Variants in UGT2B10 observed in about 807,000 individuals in gnomAD.
The protein encoded by UGT2B10 is UDP glucuronosyltransferase family 2 member B10.
A neutral mutation model predicts 43.7 loss-of-function variants in UGT2B10; 51 were observed. The ratio of observed to expected loss-of-function variants is 1.17; its 90% confidence interval spans 0.93 to 1.47. The LOEUF is 1.47. Ranked by LOEUF, UGT2B10 falls within the 40% of genes most tolerant of loss-of-function variation. UGT2B10 has a pLI of 0.00. For missense variants in UGT2B10, 696 were observed against 617.7 expected (o/e 1.13, Z -1.34); for synonymous variants, 225 against 209.0 (o/e 1.08, Z -0.66).
intron 1 of UGT2B10, among the ~76,000 whole-genome samples, chr4:68,817,018 C>T (rs960498877): frequency 6.6e-6 from 1 of 151,750 alleles, no homozygotes; most frequent in African/African-American, 2.4e-5. Flanking sequence ...ATCTGTTTTA[C>T]TATAGAATGT....
At chr4:68,821,941 T>C (rs528339580) in intron 2 of UGT2B10, among the ~76,000 whole-genome samples, 31 of 124,906 alleles carry the variant, frequency 2.5e-4, no homozygotes, top group Non-Finnish European at 5.0e-4. Context: ...GTAGCAATTA[T>C]AGTATTATAA....
At chr4:68,823,759 T>A (rs1737632287) in intron 3 of UGT2B10, among the ~76,000 whole-genome samples, 3 of 152,166 alleles carry the variant, frequency 2.0e-5, no homozygotes, top group African/African-American at 4.8e-5. Flanking sequence ...GGGAAAGCAC[T>A]AATTATCTCA....
At chr4:68,825,228 T>C (rs1021805251) in intron 3 of UGT2B10, among the ~76,000 whole-genome samples, 10 of 103,138 alleles carry the variant, frequency 9.7e-5, no homozygotes, top group African/African-American at 3.5e-4. Context: ...AATAAACATA[T>C]AGGTCATTAC....
intron 4 of UGT2B10, 133 bp from the exon 5 acceptor site, chr4:68,827,196 C>T (rs1291307082): frequency 1.4e-6 from 2 of 1,442,808 alleles, no homozygotes; most frequent in African/African-American, 1.4e-5. Flanking sequence ...CCTGTTTTTT[C>T]CTCTGAAATC....
At position 68,821,213 on chromosome 4, in the gene UGT2B10, A is replaced by G. The variant is rs77501111; in HGVS notation, c.868-1058A>G. On this transcript the variant is annotated intron_variant, in intron 2 of 5. Coordinates refer to ENST00000265403, the MANE Select transcript of UGT2B10 (RefSeq NM_001075.6). ...AACCACTGGGGAAAGTTTTACCCCA[A>G]TGATTAAATCTGAAAGTATTTAAAT... Among the ~76,000 whole-genome samples the G allele has an allele frequency of 5.3e-5, 8 of 152,314 alleles. No individual in the cohort carries two copies. In the East Asian group the frequency reaches 1.5e-3, roughly 29 times the overall value.
At chr4:68,820,709 G>C (rs899137971) in intron 2 of UGT2B10, among the ~76,000 whole-genome samples, 1 of 151,990 alleles carries the variant, frequency 6.6e-6, no homozygotes, top group Admixed American at 6.6e-5. Flanking sequence ...TAAGTGTCGT[G>C]TATGTACATT....
intron 5 of UGT2B10, 150 bp downstream of exon 5, chr4:68,827,698 T>C: frequency 7.4e-7 from 1 of 1,354,086 alleles, no homozygotes; most frequent in Non-Finnish European, 9.8e-7. Flanking sequence ...ACTTTTTATC[T>C]GTTATTTAAA....
intron 1 of UGT2B10, among the ~76,000 whole-genome samples, chr4:68,817,429 C>G (rs1202191471): frequency 6.6e-6 from 1 of 151,688 alleles, no homozygotes; most frequent in Non-Finnish European, 1.5e-5. Context: ...GAGTACAGAT[C>G]TCTATTTCAA....
At chr4:68,817,686 G>T (rs189102657) in intron 1 of UGT2B10, among the ~76,000 whole-genome samples, 18 of 151,710 alleles carry the variant, frequency 1.2e-4, no homozygotes, top group East Asian at 1.2e-3. Flanking sequence ...TCAAAGATTT[G>T]TTTAAATATC....
chr4:68,825,577 G>T (rs929287780), intron 3 of UGT2B10, among the ~76,000 whole-genome samples: 2 of 152,044 alleles, frequency 1.3e-5, no homozygotes, highest in African/African-American at 4.8e-5. Context: ...ACTCATAAGT[G>T]AGGACTTGTT....
In UGT2B10 at chr4:68,816,652, A is replaced by G; in HGVS notation, c.633A>G (p.Lys211=). 6.2e-7 allele frequency: 1 copy of G among 1,612,734 alleles called. No homozygotes were observed. The highest frequency in any genetic ancestry group is 8.5e-7 in the Non-Finnish European group (1 of 1,179,172). The change falls in exon 1 of 6, where the codon AAA becomes AAG. Residue 211 remains lysine, a synonymous_variant. Coordinates refer to ENST00000265403, the MANE Select transcript of UGT2B10 (RefSeq NM_001075.6). ...AAATGACTTTCATGGAGAGGGTAAA[A>G]AATATGCTCTATGTGCTTTATTTTG... ...SDQMTFMERV[K]NMLYVLYFDF...
At chr4:68,819,771 T>C (rs763496591) in intron 2 of UGT2B10, among the ~76,000 whole-genome samples, 3 of 151,986 alleles carry the variant, frequency 2.0e-5, no homozygotes, top group Admixed American at 6.6e-5. Flanking sequence ...TTAATTTCAA[T>C]ACGAAAAAAA....
At chr4:68,827,188 T>A in intron 4 of UGT2B10, 141 bp from the exon 5 acceptor site, 1 of 1,368,656 alleles carries the variant, frequency 7.3e-7, no homozygotes, top group South Asian at 1.3e-5. Context: ...CACAAGTACC[T>A]GTTTTTTCCT....
At chr4:68,817,089 A>T (rs1437827034) in intron 1 of UGT2B10, among the ~76,000 whole-genome samples, 1 of 151,832 alleles carries the variant, frequency 6.6e-6, no homozygotes. Context: ...ATAGATTTAG[A>T]ATGAGTAATT....
chr4:68,818,517 GA>G (rs1036986037), intron 2 of UGT2B10, among the ~76,000 whole-genome samples: 3 of 151,014 alleles, frequency 2.0e-5, no homozygotes, highest in Non-Finnish European at 3.0e-5. Flanking sequence ...AATTTTCAGA[GA>G]AAAAAAATAG....
At chr4:68,823,898 C>G (rs536961793) in intron 3 of UGT2B10, among the ~76,000 whole-genome samples, 1 of 152,126 alleles carries the variant, frequency 6.6e-6, no homozygotes, top group East Asian at 1.9e-4. Flanking sequence ...GATGAAGTAT[C>G]GATATTATCA....
At position 68,817,016 on chromosome 4, in the gene UGT2B10, T is replaced by C. The variant is rs1737247506; in HGVS notation, c.718+279T>C. 2.6e-5 allele frequency among the ~76,000 whole-genome samples: 4 copies of C among 151,862 alleles called. No homozygotes were observed. The South Asian group carries it at 8.3e-4, about 31-fold the overall frequency. ...ACTTTAAGCAATTATATATCTGTTT[T>C]ACTATAGAATGTTTCAGATCTTAAA... On this transcript the variant is annotated intron_variant, in intron 1 of 5. Transcript: ENST00000265403.
At position 68,831,424 on chromosome 4, in the gene UGT2B10, A is replaced by G. The variant is rs530109975; in HGVS notation, c.*545A>G. On this transcript the variant is annotated 3_prime_UTR_variant, in exon 6 of 6. Transcript: ENST00000265403. ...AGATTTTTATATAAGAATGATTCAA[A>G]TGTTCAGGGATGAAAGAGTCACTAA... is the stretch of plus-strand genomic sequence containing the variant. Among the ~76,000 whole-genome samples the G allele has an allele frequency of 6.6e-6, 1 of 152,226 alleles. No homozygotes were observed. The highest frequency in any genetic ancestry group is 2.1e-4 in the South Asian group (1 of 4,826).
rs1334538159 is a variant in UGT2B10 at position 68,816,337 on chromosome 4, A to G, written c.318A>G (p.Leu106=). Residue 106 remains leucine, a synonymous_variant, in exon 1 of 6, where the codon TTA becomes TTG. Coordinates refer to ENST00000265403, the MANE Select transcript of UGT2B10 (RefSeq NM_001075.6). ...LSEIQKDTFW[L]PFSQEQEILW... is the part of the protein sequence containing the mutation. ...AAATTCAAAAAGATACATTTTGGTTACCTTTTTCACAAGAACAAGAAATCC... is the reference window on the plus strand; with the variant it reads ...AAATTCAAAAAGATACATTTTGGTTGCCTTTTTCACAAGAACAAGAAATCC... The G allele has an allele frequency of 6.2e-7, 1 of 1,613,020 alleles. No individual in the cohort carries two copies. The highest frequency in any genetic ancestry group is 1.3e-5 in the African/African-American group (1 of 74,876).
Sources: gnomAD v4.1 joint callset for allele counts (sites outside exome capture counted in the v4.1 genomes callset) on GRCh38, gnomAD v4.1.1 for gene constraint, MANE v1.5 for transcripts, NCBI Gene and HGNC (gene_info 2026-07-23, HGNC 2026-07-21) for gene names.